The following PLEKHA2 variants were observed in gnomAD, a reference collection of about 807,000 sequenced individuals.
PLEKHA2 encodes pleckstrin homology domain-containing family A member 2.
In PLEKHA2, 28 loss-of-function variants were observed where a neutral mutation model predicts 53.2. The ratio of observed to expected loss-of-function variants is 0.53; its 90% CI spans 0.39 to 0.72. The LOEUF (loss-of-function observed/expected upper bound fraction) is 0.72, where lower values mean the gene tolerates loss of function less well. Ranked by LOEUF, PLEKHA2 falls within the 30% of genes least tolerant of loss-of-function variation. The pLI, the probability that PLEKHA2 is intolerant of heterozygous loss-of-function variation, is 0.00. For synonymous variants in PLEKHA2, 193 were observed against 196.4 expected, an observed-to-expected ratio of 0.98 and a Z score of 0.14; for missense variants, 426 against 537.9, an observed-to-expected ratio of 0.79 and a Z score of 2.06.
In PLEKHA2 at chr8:38,952,268, C is replaced by T; in HGVS notation, c.589C>T (p.Pro197Ser). ...PTSGCRASTG[P>S]PLIKSGYCVK... ...GTCAGGCTGCCGTGCTTCCACTGGG[C>T]CTCCCCTCATTAAGAGTGGTTACTG... is the stretch of plus-strand genomic sequence containing the variant. The change falls in exon 7 of 12, where the codon CCT (proline) becomes TCT (serine). Residue 197 changes from proline to serine, a missense_variant. Physicochemically the swap from Pro to Ser is moderately conservative, Grantham distance 74. Transcript: ENST00000617275. The T allele has an allele frequency of 6.2e-7, 1 of 1,612,726 alleles. No individual in the cohort carries two copies. Among genetic ancestry groups the T allele is most frequent in the Non-Finnish European group, 8.5e-7 (1 of 1,179,488 alleles).
intron 1 of PLEKHA2, among the ~76,000 whole-genome samples, chr8:38,903,793 C>T (rs1245777279): frequency 6.6e-6 from 1 of 152,158 alleles, no homozygotes; most frequent in Non-Finnish European, 1.5e-5. Context: ...TTCTGATTCA[C>T]GGAAACTGCT....
At chr8:38,923,552 T>C (rs868608332) in intron 2 of PLEKHA2, among the ~76,000 whole-genome samples, 9 of 152,316 alleles carry the variant, frequency 5.9e-5, no homozygotes, top group Middle Eastern at 3.4e-3. Context: ...TTCCTGAGAA[T>C]AGAAGGAGAT....
At chr8:38,929,179 A>G (rs1253195655) in intron 2 of PLEKHA2, among the ~76,000 whole-genome samples, 1 of 152,172 alleles carries the variant, frequency 6.6e-6, no homozygotes. Flanking sequence ...TGGGATTACC[A>G]GGGGCGTCCC....
chr8:38,962,903 G>A (rs1835064925), intron 10 of PLEKHA2, among the ~76,000 whole-genome samples: 1 of 151,756 alleles, frequency 6.6e-6, no homozygotes, highest in Non-Finnish European at 1.5e-5. Context: ...GAACTATGTA[G>A]TGTGCAATCT....
At position 38,934,157 on chromosome 8, in the gene PLEKHA2, A is replaced by AATAT. The variant is rs530620380; in HGVS notation, c.142-1825_142-1822dup. 5.3e-5 allele frequency among the ~76,000 whole-genome samples: 8 copies of AATAT among 151,194 alleles called. 1 individual carries two copies. Among genetic ancestry groups the AATAT allele is most frequent in the Middle Eastern group, 6.8e-3 (2 of 294 alleles). On this transcript the variant is annotated intron_variant, in intron 2 of 11. Coordinates refer to ENST00000617275, the MANE Select transcript of PLEKHA2 (RefSeq NM_021623.2). ...AGAGGTAGAAGAAGAAGAAGAAGAA[A>AATAT]ATATATATATATATAATGTTTTTAT...
intron 2 of PLEKHA2, among the ~76,000 whole-genome samples, chr8:38,931,809 C>G (rs113835113): frequency 4.6e-5 from 7 of 152,118 alleles, no homozygotes; most frequent in Admixed American, 2.0e-4. Flanking sequence ...AAACATACTC[C>G]GAGAACAGAG....
At chr8:38,928,496 G>A (rs186926751) in intron 2 of PLEKHA2, among the ~76,000 whole-genome samples, 24 of 152,006 alleles carry the variant, frequency 1.6e-4, no homozygotes, top group Middle Eastern at 3.4e-3. Context: ...TGATCCACCC[G>A]CCTTGGCCTC....
intron 3 of PLEKHA2, among the ~76,000 whole-genome samples, chr8:38,940,652 G>GGGC (rs1554558329): frequency 6.3e-4 from 20 of 31,906 alleles, no homozygotes; most frequent in African/African-American, 1.9e-3. Flanking sequence ...TGAAGGGGCG[G>GGGC]GGGGGGGGGG....
chr8:38,915,152 C>T (rs922567473), intron 1 of PLEKHA2, among the ~76,000 whole-genome samples: 24 of 152,088 alleles, frequency 1.6e-4, no homozygotes, highest in Admixed American at 7.2e-4. Context: ...CACTGTGTTG[C>T]GCACGTTGGT....
intron 4 of PLEKHA2, among the ~76,000 whole-genome samples, chr8:38,945,063 A>T (rs1397972345): frequency 1.3e-5 from 2 of 152,226 alleles, no homozygotes; most frequent in Non-Finnish European, 1.5e-5. Context: ...GGGATGGTGT[A>T]GGAGGCAGAG....
chr8:38,934,161 T>C (rs1006581856), intron 2 of PLEKHA2, among the ~76,000 whole-genome samples: 1 of 151,950 alleles, frequency 6.6e-6, no homozygotes, highest in Non-Finnish European at 1.5e-5. Flanking sequence ...GAAGAAAATA[T>C]ATATATATAT....
At chr8:38,961,338 G>A (rs936518225) in intron 10 of PLEKHA2, among the ~76,000 whole-genome samples, 1 of 152,002 alleles carries the variant, frequency 6.6e-6, no homozygotes, top group East Asian at 1.9e-4. Flanking sequence ...GGAGTTCGAG[G>A]TCAGCCTGGC....
intron 5 of PLEKHA2, chr8:38,950,558 C>A: frequency 3.5e-6 from 1 of 283,600 alleles, no homozygotes; most frequent in Non-Finnish European, 6.6e-6. Context: ...AGGTGGGGAC[C>A]CACGTGTGTT....
chr8:38,937,216 C>G (rs942356064), intron 3 of PLEKHA2, among the ~76,000 whole-genome samples: 4 of 152,206 alleles, frequency 2.6e-5, no homozygotes, highest in Non-Finnish European at 4.4e-5. Flanking sequence ...AGAGAATGAC[C>G]TCAGGGAAGG....
intron 10 of PLEKHA2, among the ~76,000 whole-genome samples, chr8:38,967,811 G>A (rs556584655): frequency 3.9e-5 from 6 of 151,946 alleles, no homozygotes; most frequent in South Asian, 4.2e-4. Context: ...ACGGGCGCAC[G>A]CCACCACTCC....
At chr8:38,918,771 A>G (rs1000045674) in intron 2 of PLEKHA2, among the ~76,000 whole-genome samples, 5 of 152,026 alleles carry the variant, frequency 3.3e-5, no homozygotes, top group African/African-American at 1.2e-4. Context: ...ACATGCACAC[A>G]CACATATACA....
At chr8:38,961,414 G>A (rs1835040072) in intron 10 of PLEKHA2, among the ~76,000 whole-genome samples, 1 of 152,066 alleles carries the variant, frequency 6.6e-6, no homozygotes, top group Non-Finnish European at 1.5e-5. Flanking sequence ...GTGCGCACCT[G>A]TAATCCCAGC....
intron 1 of PLEKHA2, among the ~76,000 whole-genome samples, chr8:38,911,588 C>T (rs1294654873): frequency 6.6e-6 from 1 of 152,128 alleles, no homozygotes; most frequent in African/African-American, 2.4e-5. Context: ...TGGGTATTGT[C>T]AGGATGCCCA....
At chr8:38,902,799 T>C (rs1833812339) in intron 1 of PLEKHA2, among the ~76,000 whole-genome samples, 1 of 152,216 alleles carries the variant, frequency 6.6e-6, no homozygotes, top group Admixed American at 6.5e-5. Context: ...CCTGTCTTTA[T>C]TTTTTCTTTT....
Sources: gnomAD v4.1 joint callset for allele counts (sites outside exome capture counted in the v4.1 genomes callset) on GRCh38, gnomAD v4.1.1 for gene constraint, MANE v1.5 for transcripts, NCBI Gene and HGNC (gene_info 2026-07-23, HGNC 2026-07-21) for gene names.